GPR176: variants seen among roughly 807,000 people sequenced by gnomAD.
GPR176 encodes G-protein coupled receptor 176.
In GPR176, 26 loss-of-function variants were observed where a neutral mutation model predicts 35.4. The ratio of observed to expected loss-of-function variants is 0.74; its 90% CI spans 0.54 to 1.02. The LOEUF is 1.02. Ranked by LOEUF, GPR176 falls within the 50% of genes least tolerant of loss-of-function variation. GPR176 has a pLI of 0.00. For synonymous variants in GPR176, 278 were observed against 271.3 expected (o/e 1.02, Z -0.24); for missense variants, 597 against 665.3 (o/e 0.90, Z 1.13).
intron 1 of GPR176, among the ~76,000 whole-genome samples, chr15:39,900,848 A>C (rs74008997): frequency 0.012 from 1,774 of 152,314 alleles, 25 homozygotes; most frequent in African/African-American, 0.031. Flanking sequence ...AATTTTTAAA[A>C]AACTGCCAAG....
intron 1 of GPR176, among the ~76,000 whole-genome samples, chr15:39,870,184 C>T (rs1381481016): frequency 2.0e-5 from 3 of 152,204 alleles, no homozygotes; most frequent in Non-Finnish European, 4.4e-5. Flanking sequence ...ATCTCCCTCC[C>T]TGTGCCTCGC....
intron 1 of GPR176, among the ~76,000 whole-genome samples, chr15:39,898,313 T>C (rs1177975850): frequency 1.3e-5 from 2 of 152,192 alleles, no homozygotes; most frequent in Admixed American, 6.5e-5. Context: ...TTCAGTAAGA[T>C]TGACCACTAC....
At chr15:39,854,102 T>A (rs1482897873) in intron 1 of GPR176, among the ~76,000 whole-genome samples, 1 of 152,100 alleles carries the variant, frequency 6.6e-6, no homozygotes, top group Non-Finnish European at 1.5e-5. Flanking sequence ...GAGTCTGTAA[T>A]ACATTCAAAA....
At chr15:39,807,672 T>C (rs1208791690) in intron 1 of GPR176, 7 of 708,098 alleles carry the variant, frequency 9.9e-6, no homozygotes, top group Admixed American at 4.3e-5. Context: ...CTTAAATTTA[T>C]GGTAGCCATG....
intron 1 of GPR176, among the ~76,000 whole-genome samples, chr15:39,815,956 C>T (rs1899871554): frequency 6.6e-6 from 1 of 152,180 alleles, no homozygotes; most frequent in African/African-American, 2.4e-5. Context: ...CAACAGAATA[C>T]TGCAGCCTTA....
At chr15:39,835,001 T>C (rs778664445) in intron 1 of GPR176, among the ~76,000 whole-genome samples, 108 of 152,162 alleles carry the variant, frequency 7.1e-4, no homozygotes, top group Non-Finnish European at 2.4e-4. Context: ...TTACACATTG[T>C]ATGCCTATAT....
At chr15:39,908,008 T>A (rs758010441) in intron 1 of GPR176, among the ~76,000 whole-genome samples, 8 of 151,678 alleles carry the variant, frequency 5.3e-5, no homozygotes, top group South Asian at 2.1e-4. Flanking sequence ...AAACAAAATT[T>A]AAAAAAAATA....
rs920361468 is a variant in GPR176 at position 39,814,422 on chromosome 15, C to T, written c.173-7164G>A. Among the ~76,000 whole-genome samples the T allele has an allele frequency of 3.3e-5, 5 of 152,186 alleles. No homozygotes were observed. The East Asian group carries it at 7.7e-4, about 23-fold the overall frequency. ...TATTTAAAATTTGTATTTGCGTCTA[C>T]TTCAAATGGCCTATTCTTTATTCCT... On this transcript the variant is annotated intron_variant, in intron 1 of 2. Transcript: ENST00000561100.
intron 1 of GPR176, among the ~76,000 whole-genome samples, chr15:39,892,665 G>A (rs74979780): frequency 0.16 from 23,983 of 152,226 alleles, 2,231 homozygotes; most frequent in Middle Eastern, 0.34. Flanking sequence ...AAGCCCATGT[G>A]ACCACAGAGG....
chr15:39,907,580 T>C (rs1412977800), intron 1 of GPR176, among the ~76,000 whole-genome samples: 1 of 152,220 alleles, frequency 6.6e-6, no homozygotes, highest in Non-Finnish European at 1.5e-5. Flanking sequence ...GCAAGAGCTG[T>C]GTTTCCAGAA....
At chr15:39,816,951 C>T (rs1207785280) in intron 1 of GPR176, among the ~76,000 whole-genome samples, 2 of 150,326 alleles carry the variant, frequency 1.3e-5, no homozygotes, top group African/African-American at 4.9e-5. Context: ...CACCTGTAGT[C>T]CCAGCCTCTT....
intron 2 of GPR176, 99 bp downstream of exon 2, chr15:39,806,906 AG>A: frequency 1.0e-6 from 1 of 1,004,858 alleles, no homozygotes; most frequent in Admixed American, 2.5e-5. Flanking sequence ...CTGACTAAAA[AG>A]CAGTATACGG....
chr15:39,819,063 C>T (rs764256721), intron 1 of GPR176, among the ~76,000 whole-genome samples: 6 of 152,208 alleles, frequency 3.9e-5, no homozygotes, highest in Non-Finnish European at 8.8e-5. Context: ...GGTTCCACTT[C>T]CCTACTTCCC....
At chr15:39,832,486 C>T (rs915517591) in intron 1 of GPR176, among the ~76,000 whole-genome samples, 14 of 152,118 alleles carry the variant, frequency 9.2e-5, no homozygotes, top group African/African-American at 3.4e-4. Flanking sequence ...AAGGTCTCAG[C>T]AGGTCTATGT....
rs1172323346 is a variant in GPR176, at chr15:39,855,074, A to G, written c.173-47816T>C. Among the ~76,000 whole-genome samples, 3 of 151,524 alleles carry G rather than the reference A, an allele frequency of 2.0e-5. No homozygotes were observed. The East Asian group carries it at 5.8e-4, about 29-fold the overall frequency. On this transcript the variant is annotated intron_variant, in intron 1 of 2. Transcript: ENST00000561100. ...TCAAAAAAAAAAAAAAAAGTAATTC[A>G]TTCTCTCCTTGGAAACCTTGAAACT...
At chr15:39,839,629 G>C (rs1407468704) in intron 1 of GPR176, among the ~76,000 whole-genome samples, 1 of 152,062 alleles carries the variant, frequency 6.6e-6, no homozygotes, top group Non-Finnish European at 1.5e-5. Flanking sequence ...TTGACAAATG[G>C]GATCTAATTA....
intron 1 of GPR176, among the ~76,000 whole-genome samples, chr15:39,908,146 G>A (rs2033475303): frequency 6.6e-6 from 1 of 152,162 alleles, no homozygotes; most frequent in Admixed American, 6.5e-5. Context: ...ACCTTTGCCA[G>A]TCCCACAGCT....
intron 1 of GPR176, among the ~76,000 whole-genome samples, chr15:39,841,385 T>C (rs1351121512): frequency 8.6e-6 from 1 of 116,250 alleles, no homozygotes. Flanking sequence ...GGCTTGGAAA[T>C]ACGGTCTTTG....
At chr15:39,853,932 A>AATT (rs1178948651) in intron 1 of GPR176, among the ~76,000 whole-genome samples, 5 of 151,826 alleles carry the variant, frequency 3.3e-5, no homozygotes, top group South Asian at 2.1e-4. Context: ...TCATCATCAT[A>AATT]ATTATTATTA....
Sources: allele counts gnomAD v4.1 joint callset (sites outside exome capture counted in the v4.1 genomes callset), GRCh38; gene constraint gnomAD v4.1.1; transcripts MANE v1.5; gene names NCBI Gene and HGNC (gene_info 2026-07-23, HGNC 2026-07-21).